Variants in GPHN observed in about 807,000 individuals in gnomAD.
The protein encoded by GPHN is gephyrin.
Under a neutral mutation model 95.5 loss-of-function variants are expected in GPHN, and 17 were observed. The observed-to-expected ratio is 0.18, with a 90% CI of 0.12 to 0.27. The LOEUF (loss-of-function observed/expected upper bound fraction) is 0.27, where lower values mean the gene tolerates loss of function less well. Ranked by LOEUF, GPHN falls within the 10% of genes least tolerant of loss-of-function variation. The pLI is 1.00. For missense variants in GPHN, 660 were observed against 978.1 expected, an observed-to-expected ratio of 0.67 and a Z score of 4.34; for synonymous variants, 320 against 322.5, an observed-to-expected ratio of 0.99 and a Z score of 0.08.
intron 3 of GPHN, among the ~76,000 whole-genome samples, chr14:66,782,840 A>G (rs2059653305): frequency 6.6e-6 from 1 of 152,094 alleles, no homozygotes; most frequent in South Asian, 2.1e-4. Flanking sequence ...CTCAAAAACA[A>G]ACAAACAAAC....
chr14:67,615,521 T>C, the GPHN span: 1 of 430,994 alleles, frequency 2.3e-6, no homozygotes, highest in Admixed American at 2.7e-5. Context: ...AGAGGCAAAA[T>C]GCCATCGTAT....
intron 9 of GPHN, among the ~76,000 whole-genome samples, chr14:67,013,641 T>C (rs1174298457): frequency 6.6e-6 from 1 of 152,028 alleles, no homozygotes; most frequent in Non-Finnish European, 1.5e-5. Context: ...TATAGACATA[T>C]ATTTGTACAT....
At chr14:67,503,023 C>G in the GPHN span, among the ~76,000 whole-genome samples, 2 of 152,170 alleles carry the variant, frequency 1.3e-5, no homozygotes, top group East Asian at 3.9e-4. Context: ...AACCAATGTT[C>G]AGGGAAGTTG....
At chr14:67,284,743 C>T in the GPHN span, among the ~76,000 whole-genome samples, 1 of 151,814 alleles carries the variant, frequency 6.6e-6, no homozygotes, top group African/African-American at 2.4e-5. Context: ...AATTACATAA[C>T]ATAGGCTCTT....
intron 11 of GPHN, among the ~76,000 whole-genome samples, chr14:67,085,512 T>C (rs149088605): frequency 9.5e-4 from 144 of 152,334 alleles, no homozygotes; most frequent in African/African-American, 3.3e-3. Context: ...ATCAACTGTC[T>C]TTCAAACTTA....
At chr14:67,356,428 C>CA in the GPHN span, among the ~76,000 whole-genome samples, 1 of 113,470 alleles carries the variant, frequency 8.8e-6, no homozygotes, top group Non-Finnish European at 1.6e-5. Context: ...CTCAAAAAAA[C>CA]AAAAACAAAA....
chr14:67,200,406 C>A, the GPHN span: 1 of 571,584 alleles, frequency 1.7e-6, no homozygotes, highest in South Asian at 2.3e-5. Context: ...GCTGTAGCTC[C>A]TTGGGGCTAA....
rs111729487 is a variant in GPHN at position 66,798,928 on chromosome 14, C to G, written c.201+22407C>G. 3.1e-3 allele frequency among the ~76,000 whole-genome samples: 471 copies of G among 151,758 alleles called. 11 individuals carry two copies. The highest frequency in any genetic ancestry group is 0.011 in the African/African-American group (446 of 41,496). Reference sequence around the variant, plus strand: ...TTAGATTGCTTATTTGAAGTTTCCTCCTTTTTTAATGTAGGCCCTTACAGC... The same window carrying G: ...TTAGATTGCTTATTTGAAGTTTCCTGCTTTTTTAATGTAGGCCCTTACAGC... On this transcript the variant is annotated intron_variant, in intron 3 of 22. Transcript: ENST00000478722.
At chr14:67,199,234 T>C in the GPHN span, 2 of 1,602,660 alleles carry the variant, frequency 1.2e-6, no homozygotes, top group Non-Finnish European at 8.5e-7. Context: ...GGCTATGACT[T>C]TGTGAATTCT....
chr14:67,500,462 T>C, the GPHN span, among the ~76,000 whole-genome samples: 10 of 152,086 alleles, frequency 6.6e-5, no homozygotes, highest in African/African-American at 2.4e-4. Flanking sequence ...GCAACAAGAG[T>C]GACACTCCAT....
chr14:66,577,361 A>C (rs1205657914), intron 1 of GPHN, among the ~76,000 whole-genome samples: 2 of 152,146 alleles, frequency 1.3e-5, no homozygotes, highest in African/African-American at 4.8e-5. Context: ...AGCTAACAGA[A>C]CCATAAGAAA....
chr14:67,303,702 A>AGAG, the GPHN span: 3 of 774,864 alleles, frequency 3.9e-6, no homozygotes, highest in South Asian at 1.6e-5. Flanking sequence ...GTACTCAAAT[A>AGAG]AATTCAATCA....
the GPHN span, among the ~76,000 whole-genome samples, chr14:67,624,885 G>A: frequency 1.3e-5 from 2 of 152,172 alleles, no homozygotes; most frequent in Non-Finnish European, 2.9e-5. Flanking sequence ...ATTTTAACTT[G>A]CCCTGTTCCC....
At chr14:66,913,926 T>C (rs2065792671) in intron 5 of GPHN, among the ~76,000 whole-genome samples, 1 of 152,166 alleles carries the variant, frequency 6.6e-6, no homozygotes, top group Non-Finnish European at 1.5e-5. Flanking sequence ...TACTTTCTTC[T>C]TGCAGTGACT....
At chr14:67,111,777 T>A in intron 14 of GPHN, 84 bp from the exon 15 acceptor site, 1 of 973,960 alleles carries the variant, frequency 1.0e-6, no homozygotes, top group Non-Finnish European at 1.7e-6. Context: ...ATCCTGGGCC[T>A]ATCTGATGGT....
the GPHN span, among the ~76,000 whole-genome samples, chr14:67,699,450 T>A: frequency 2.0e-5 from 3 of 151,272 alleles, no homozygotes. Context: ...AAATAGGCAG[T>A]GTACTGGTGT....
the GPHN span, chr14:67,397,754 C>G: frequency 6.2e-7 from 1 of 1,613,584 alleles, no homozygotes; most frequent in Non-Finnish European, 8.5e-7. Flanking sequence ...CGACCCCCCT[C>G]AAGCTTGTAG....
the GPHN span, among the ~76,000 whole-genome samples, chr14:67,296,994 A>C: frequency 6.6e-6 from 1 of 152,260 alleles, no homozygotes; most frequent in Non-Finnish European, 1.5e-5. Context: ...ATCTGAAAAA[A>C]ATTCAGTACT....
intron 6 of GPHN, among the ~76,000 whole-genome samples, chr14:66,916,554 A>G (rs1197722778): frequency 8.0e-6 from 1 of 125,326 alleles, no homozygotes; most frequent in South Asian, 2.4e-4. Context: ...TATTTTGCCC[A>G]TGTGAATGAC....
Sources: allele counts gnomAD v4.1 joint callset (sites outside exome capture counted in the v4.1 genomes callset), GRCh38; gene constraint gnomAD v4.1.1; transcripts MANE v1.5; gene names NCBI Gene and HGNC (gene_info 2026-07-23, HGNC 2026-07-21).